Variants in CTBP2 observed in about 807,000 individuals in gnomAD.
CTBP2 encodes the protein C-terminal binding protein 2.
CTBP2 carries 30 observed loss-of-function variants against 80.3 expected under a neutral mutation model. The observed-to-expected ratio is 0.37, with a 90% CI of 0.28 to 0.51. The LOEUF (loss-of-function observed/expected upper bound fraction) is 0.51, where lower values mean the gene tolerates loss of function less well. Among genes scored for constraint, CTBP2 ranks in the 20% least tolerant of loss-of-function variants. CTBP2 has a pLI of 0.93. For missense variants in CTBP2, 1,212 were observed against 1,375.3 expected, an observed-to-expected ratio of 0.88 and a Z score of 1.88; for synonymous variants, 594 against 587.4, an observed-to-expected ratio of 1.01 and a Z score of -0.16.
chr10:125,009,635 A>G (rs1365032489), intron 1 of CTBP2, among the ~76,000 whole-genome samples: 5 of 152,226 alleles, frequency 3.3e-5, no homozygotes, highest in Admixed American at 6.5e-5. Context: ...AATCAGAACT[A>G]AGGCCTGCTA....
At chr10:125,075,317 TG>T (rs1404071550) in intron 2 of CTBP2, among the ~76,000 whole-genome samples, 1 of 151,912 alleles carries the variant, frequency 6.6e-6, no homozygotes, top group Non-Finnish European at 1.5e-5. Flanking sequence ...TTCTGGGAGG[TG>T]GGGCGTTAAT....
chr10:125,010,964 A>G (rs1015331672), intron 1 of CTBP2, among the ~76,000 whole-genome samples: 2 of 152,252 alleles, frequency 1.3e-5, no homozygotes, highest in Non-Finnish European at 2.9e-5. Context: ...CAGGATCTTA[A>G]TCTTCCAAAG....
intron 2 of CTBP2, among the ~76,000 whole-genome samples, chr10:125,101,326 T>C (rs1036810400): frequency 6.6e-6 from 1 of 152,234 alleles, no homozygotes; most frequent in African/African-American, 2.4e-5. Flanking sequence ...TCACACTTAA[T>C]GTTCAGGCAA....
At chr10:124,992,410 C>T (rs1263376079) in intron 8 of CTBP2, among the ~76,000 whole-genome samples, 5 of 152,050 alleles carry the variant, frequency 3.3e-5, no homozygotes, top group Non-Finnish European at 7.4e-5. Flanking sequence ...GGGAAGCCTT[C>T]TGGTTTTAAG....
intron 3 of CTBP2, among the ~76,000 whole-genome samples, chr10:125,037,157 A>G (rs1016258048): frequency 3.3e-5 from 5 of 152,218 alleles, no homozygotes; most frequent in African/African-American, 1.2e-4. Context: ...AAAATTTCCT[A>G]TTACACATGA....
intron 2 of CTBP2, among the ~76,000 whole-genome samples, chr10:125,099,016 C>T (rs183144494): frequency 5.9e-5 from 9 of 152,342 alleles, no homozygotes; most frequent in Middle Eastern, 3.4e-3. Flanking sequence ...CTCCTTTCCA[C>T]GCGCTGTCGG....
At chr10:125,117,217 G>A (rs950570535) in intron 1 of CTBP2, among the ~76,000 whole-genome samples, 2 of 152,222 alleles carry the variant, frequency 1.3e-5, no homozygotes, top group East Asian at 3.8e-4. Context: ...TTGTAACGGG[G>A]GCAGTGGGGG....
rs776936228 is a variant in CTBP2, at chr10:125,003,033, G to C, written c.1905C>G (p.Phe635Leu). 6.2e-7 allele frequency: 1 copy of C among 1,614,060 alleles called. No homozygotes were observed. The highest frequency in any genetic ancestry group is 8.5e-7 in the Non-Finnish European group (1 of 1,180,020). Residue 635 changes from phenylalanine to leucine, a missense_variant, in exon 3 of 9, where the codon TTC (phenylalanine) becomes TTG (leucine). Physicochemically the swap from Phe to Leu is conservative, Grantham distance 22. This residue lies in a region of CTBP2 where 335 missense variants were observed against 504.7 expected (regional missense o/e 0.66). Transcript: ENST00000309035. ...TCCGCACGATCACTCTCAGGGCCTTGAACTTCTCCAGGTCCTCCCTGGTGA... is the reference window on the plus strand; with the variant it reads ...TCCGCACGATCACTCTCAGGGCCTTCAACTTCTCCAGGTCCTCCCTGGTGA...
chr10:125,002,259 C>G (rs1954627854), intron 3 of CTBP2, among the ~76,000 whole-genome samples: 1 of 152,236 alleles, frequency 6.6e-6, no homozygotes, highest in Non-Finnish European at 1.5e-5. Flanking sequence ...CGCTCGATGC[C>G]AGCGGTCTGC....
In CTBP2 at chr10:125,026,789, A is replaced by G; in HGVS notation, c.971T>C (p.Leu324Pro). The change falls in exon 1 of 9, where the codon CTG becomes CCG. Residue 324 changes from leucine (L) to proline (P), a missense_variant. Physicochemically the swap from Leu to Pro is moderately conservative, Grantham distance 98. Around this residue, in one of 3 missense-constraint regions of CTBP2, gnomAD observed 848 missense variants for 782.3 expected, o/e 1.08. Transcript: ENST00000309035. The stretch of plus-strand genomic sequence containing the variant: ...GACAGACTTGATATCCGCGTCCTCC[A>G]GGGTAGCCAGGACGGCCGGGGAGTC... 6.2e-7 allele frequency: 1 copy of G among 1,613,198 alleles called. No homozygotes were observed. Among genetic ancestry groups the G allele is most frequent in the Non-Finnish European group, 8.5e-7 (1 of 1,179,982 alleles).
chr10:125,046,732 G>A (rs952807928), intron 2 of CTBP2, among the ~76,000 whole-genome samples: 3 of 152,140 alleles, frequency 2.0e-5, no homozygotes, highest in Non-Finnish European at 2.9e-5. Context: ...TGAGCACATG[G>A]AGTCAGTGCT....
intron 1 of CTBP2, among the ~76,000 whole-genome samples, chr10:125,119,088 C>A (rs867994999): frequency 2.0e-5 from 3 of 152,218 alleles, no homozygotes; most frequent in Non-Finnish European, 2.9e-5. Context: ...CTCCTTTCCA[C>A]AGGGTATCCC....
chr10:125,033,049 T>A (rs1461197184), upstream of CTBP2, among the ~76,000 whole-genome samples: 1 of 152,230 alleles, frequency 6.6e-6, no homozygotes. Flanking sequence ...GAACTGACTC[T>A]CAGCCTCACT....
chr10:125,123,229 G>A (rs1854635079), intron 1 of CTBP2, among the ~76,000 whole-genome samples: 1 of 152,134 alleles, frequency 6.6e-6, no homozygotes, highest in South Asian at 2.1e-4. Context: ...GGCAACGGGG[G>A]GATTCTTGGG....
intron 2 of CTBP2, among the ~76,000 whole-genome samples, chr10:125,091,585 C>T (rs1041455504): frequency 6.6e-6 from 1 of 152,118 alleles, no homozygotes; most frequent in Non-Finnish European, 1.5e-5. Context: ...CCAGTCTGGG[C>T]AACACAGGGA....
intron 4 of CTBP2, chr10:124,996,058 T>TTG (rs1161559120): frequency 2.6e-5 from 4 of 150,960 alleles, no homozygotes; most frequent in Non-Finnish European, 4.4e-5. Context: ...GTTTTTTTTT[T>TTG]TTTTTTTTTT....
At chr10:125,101,686 G>C (rs761273218) in intron 2 of CTBP2, among the ~76,000 whole-genome samples, 1 of 152,164 alleles carries the variant, frequency 6.6e-6, no homozygotes, top group Non-Finnish European at 1.5e-5. Context: ...AGTTCCGTTC[G>C]TCTTGCATCG....
chr10:125,003,126 GGTCGGAGCCCCACCCCGT>G, intron 2 of CTBP2, 22 bp from the exon 5 acceptor site: 2 of 1,613,382 alleles, frequency 1.2e-6, no homozygotes, highest in Non-Finnish European at 1.7e-6. Context: ...CAGAGCACAG[GGTCGGAGCCCCACCCCGT>G]GCAGCCCACC....
chr10:125,148,430 C>T (rs771581935), intron 1 of CTBP2, among the ~76,000 whole-genome samples: 13 of 152,196 alleles, frequency 8.5e-5, no homozygotes, highest in Admixed American at 2.6e-4. Context: ...GCTCTCCCTC[C>T]CACCTTGCCC....
Sources: gnomAD v4.1 joint callset for allele counts (sites outside exome capture counted in the v4.1 genomes callset) on GRCh38, gnomAD v4.1.1 for gene constraint, gnomAD v4.1.1 regional missense constraint, MANE v1.5 for transcripts, NCBI Gene and HGNC (gene_info 2026-07-23, HGNC 2026-07-21) for gene names.